SLC9A9: variants seen among roughly 807,000 people sequenced by gnomAD.
SLC9A9 encodes the protein sodium/hydrogen exchanger 9.
Under a neutral mutation model 77.8 loss-of-function variants are expected in SLC9A9, and 62 were observed. That is an observed-to-expected ratio of 0.80 (90% CI 0.65 to 0.98). SLC9A9 has a LOEUF of 0.98. Among genes scored for constraint, SLC9A9 ranks in the 50% least tolerant of loss-of-function variants. SLC9A9 has a pLI of 0.00. For synonymous variants in SLC9A9, 320 were observed against 283.5 expected (o/e 1.13, Z -1.29); for missense variants, 775 against 774.9 (o/e 1.00, Z 0.00).
chr3:143,641,842 C>A (rs1394370061), intron 6 of SLC9A9, among the ~76,000 whole-genome samples: 2 of 152,236 alleles, frequency 1.3e-5, no homozygotes, highest in African/African-American at 2.4e-5. Flanking sequence ...CCCTCTATGA[C>A]CTTTCAGTGT....
At chr3:143,483,334 C>T (rs1248353468) in intron 11 of SLC9A9, among the ~76,000 whole-genome samples, 1 of 152,074 alleles carries the variant, frequency 6.6e-6, no homozygotes, top group Non-Finnish European at 1.5e-5. Context: ...GTAGGGTCAT[C>T]CATGAACAAT....
rs111909361 is a variant in SLC9A9, at chr3:143,517,478, G to A, written c.1090-22030C>T. 3,372 of 1,594,626 alleles carry A rather than the reference G, an allele frequency of 2.1e-3. 54 individuals are homozygous for A. In the African/African-American group the frequency reaches 0.041, roughly 19 times the overall value. On this transcript the variant is annotated intron_variant, in intron 9 of 15. Coordinates refer to ENST00000316549, the MANE Select transcript of SLC9A9 (RefSeq NM_173653.4). ...CTCTTGAGCCTTCTTAACTCGTTCT[G>A]TTCTTTCTTTGATCTCTCGCTCTTC...
chr3:143,720,210 A>C (rs906617110), intron 4 of SLC9A9, among the ~76,000 whole-genome samples: 3 of 151,566 alleles, frequency 2.0e-5, no homozygotes, highest in African/African-American at 4.8e-5. Flanking sequence ...ATATATGTAC[A>C]TGTGTACATG....
chr3:143,759,653 C>T (rs1326222693), intron 4 of SLC9A9, among the ~76,000 whole-genome samples: 1 of 151,368 alleles, frequency 6.6e-6, no homozygotes, highest in African/African-American at 2.4e-5. Context: ...GAAATACCCC[C>T]GTTTTTTTCA....
intron 2 of SLC9A9, among the ~76,000 whole-genome samples, chr3:143,803,372 A>T (rs1160155562): frequency 6.6e-6 from 1 of 152,020 alleles, no homozygotes; most frequent in Non-Finnish European, 1.5e-5. Context: ...AGTCACCCCC[A>T]CTACTTGGGC....
intron 4 of SLC9A9, among the ~76,000 whole-genome samples, chr3:143,762,259 G>A (rs1461016193): frequency 6.6e-6 from 1 of 152,154 alleles, no homozygotes; most frequent in Non-Finnish European, 1.5e-5. Context: ...GTTAATGGGT[G>A]CAGCACACCA....
intron 8 of SLC9A9, among the ~76,000 whole-genome samples, chr3:143,571,881 A>C (rs557019823): frequency 8.1e-4 from 123 of 152,358 alleles, no homozygotes; most frequent in Non-Finnish European, 1.3e-3. Flanking sequence ...ATAATAAACA[A>C]ACAAACACAT....
At chr3:143,372,052 G>T in intron 13 of SLC9A9, 1 of 370,764 alleles carries the variant, frequency 2.7e-6, no homozygotes, top group East Asian at 8.5e-5. Context: ...CAAAAACACT[G>T]CTGAAAGAAA....
chr3:143,632,471 C>A (rs1476961683), intron 6 of SLC9A9, among the ~76,000 whole-genome samples: 2 of 152,030 alleles, frequency 1.3e-5, no homozygotes, highest in African/African-American at 4.8e-5. Context: ...AGTGCATGTA[C>A]CCTCCACTTA....
intron 12 of SLC9A9, among the ~76,000 whole-genome samples, chr3:143,429,315 G>C (rs553175704): frequency 1.3e-5 from 2 of 152,304 alleles, no homozygotes; most frequent in East Asian, 3.9e-4. Context: ...TGAATCAAAT[G>C]GTAACTCAGG....
In SLC9A9 at chr3:143,636,852, G is replaced by A. The variant is rs184796680; in HGVS notation, c.755+15403C>T. Among the ~76,000 whole-genome samples, 243 of 152,226 alleles carry A rather than the reference G, an allele frequency of 1.6e-3. 1 individual carries two copies. Among genetic ancestry groups the A allele is most frequent in the Non-Finnish European group, 2.5e-3 (169 of 68,026 alleles). ...CTACAAACAAGCAGCATTTGAGCAAGCCACTACACTAAGGCTATCTATAAC... is the reference window on the plus strand; with the variant it reads ...CTACAAACAAGCAGCATTTGAGCAAACCACTACACTAAGGCTATCTATAAC... On this transcript the variant is annotated intron_variant, in intron 6 of 15. Coordinates refer to ENST00000316549, the MANE Select transcript of SLC9A9 (RefSeq NM_173653.4).
At chr3:143,763,659 GCAGTCTTTCA>G (rs2007210198) in intron 4 of SLC9A9, among the ~76,000 whole-genome samples, 1 of 151,314 alleles carries the variant, frequency 6.6e-6, no homozygotes, top group Non-Finnish European at 1.5e-5. Flanking sequence ...ATTCTACTCT[GCAGTCTTTCA>G]AAAAAAGCTA....
chr3:143,697,766 A>T (rs1338953823), intron 4 of SLC9A9, among the ~76,000 whole-genome samples: 1 of 151,908 alleles, frequency 6.6e-6, no homozygotes, highest in Non-Finnish European at 1.5e-5. Context: ...ATTTACTCCA[A>T]ATCAACTCCT....
intron 14 of SLC9A9, among the ~76,000 whole-genome samples, chr3:143,348,990 C>G (rs1210520335): frequency 6.6e-6 from 1 of 152,224 alleles, no homozygotes; most frequent in Non-Finnish European, 1.5e-5. Context: ...TGGGGTTCAA[C>G]TGCATGTTGA....
At chr3:143,268,650 A>G (rs1352454094) in intron 15 of SLC9A9, among the ~76,000 whole-genome samples, 4 of 147,950 alleles carry the variant, frequency 2.7e-5, no homozygotes, top group East Asian at 2.0e-4. Flanking sequence ...GGAGAATGGC[A>G]TGAACCCGGG....
At chr3:143,576,491 TGAG>T (rs978314671) in intron 7 of SLC9A9, among the ~76,000 whole-genome samples, 18 of 152,152 alleles carry the variant, frequency 1.2e-4, no homozygotes, top group Non-Finnish European at 4.4e-5. Context: ...TTGATTCAAA[TGAG>T]GAGATGCATA....
intron 14 of SLC9A9, among the ~76,000 whole-genome samples, chr3:143,307,726 C>T (rs1228989931): frequency 1.3e-5 from 2 of 152,180 alleles, no homozygotes; most frequent in Admixed American, 6.5e-5. Context: ...GCTGCTTACC[C>T]ACTTTCTTCC....
chr3:143,763,053 TAAG>T (rs1191359643), intron 4 of SLC9A9, among the ~76,000 whole-genome samples: 1 of 152,098 alleles, frequency 6.6e-6, no homozygotes, highest in Non-Finnish European at 1.5e-5. Context: ...CTATTGGCCA[TAAG>T]GTCTTCATGA....
At chr3:143,554,836 C>T (rs923949778) in intron 8 of SLC9A9, among the ~76,000 whole-genome samples, 1 of 152,188 alleles carries the variant, frequency 6.6e-6, no homozygotes, top group Admixed American at 6.5e-5. Context: ...CTGCAGATAT[C>T]CACATGGCTC....
Sources: allele counts gnomAD v4.1 joint callset (sites outside exome capture counted in the v4.1 genomes callset), GRCh38; gene constraint gnomAD v4.1.1; transcripts MANE v1.5; gene names NCBI Gene and HGNC (gene_info 2026-07-23, HGNC 2026-07-21).